Variants in SORBS2 observed in about 807,000 individuals in gnomAD.
The protein encoded by SORBS2 is sorbin and SH3 domain containing 2, also known as sorbin and SH3 domain-containing protein 2.
Under a neutral mutation model 97.7 loss-of-function variants are expected in SORBS2, and 46 were observed. The observed-to-expected ratio is 0.47, with a 90% CI of 0.37 to 0.60. The LOEUF (loss-of-function observed/expected upper bound fraction) is 0.60, where lower values mean the gene tolerates loss of function less well. SORBS2 is among the 20% of genes least tolerant of loss of function. SORBS2 has a pLI of 0.00. For synonymous variants in SORBS2, 476 were observed against 473.4 expected, an observed-to-expected ratio of 1.01 and a Z score of -0.07; for missense variants, 1,316 against 1,282.3, an observed-to-expected ratio of 1.03 and a Z score of -0.40.
At chr4:185,827,872 ATCG>A (rs2099202580) in intron 1 of SORBS2, among the ~76,000 whole-genome samples, 1 of 147,972 alleles carries the variant, frequency 6.8e-6, no homozygotes, top group African/African-American at 2.5e-5. Context: ...CATCATCATC[ATCG>A]TCACCATCAT....
At chr4:185,849,626 G>C (rs1401000623) in intron 1 of SORBS2, among the ~76,000 whole-genome samples, 1 of 152,064 alleles carries the variant, frequency 6.6e-6, no homozygotes, top group African/African-American at 2.4e-5. Flanking sequence ...AATCTTTGTG[G>C]CTTCACCCCT....
chr4:185,886,831 C>A (rs1335440418), intron 1 of SORBS2, among the ~76,000 whole-genome samples: 2 of 152,162 alleles, frequency 1.3e-5, no homozygotes, highest in Non-Finnish European at 2.9e-5. Context: ...GACAATATCA[C>A]CCTTTTCAAA....
chr4:185,796,132 C>T (rs962490021), intron 1 of SORBS2, among the ~76,000 whole-genome samples: 5 of 152,152 alleles, frequency 3.3e-5, no homozygotes, highest in Non-Finnish European at 7.4e-5. Flanking sequence ...TCTCAAACTA[C>T]TGGGCTCAAG....
Position 185,728,123 on chromosome 4 carries a change from CA to C in SORBS2, c.-198+47103del, listed in dbSNP as rs199980609. On this transcript the variant is annotated intron_variant, in intron 2 of 20. Coordinates refer to the SORBS2 transcript ENST00000284776. ...TGCTTTCTGAGTCTGCGGGTCTATC[CA>C]GCCTGCCCAAGAACTCGATTCAGCT... Among the ~76,000 whole-genome samples, 465 of 152,120 alleles carry C rather than the reference CA, an allele frequency of 3.1e-3. 6 individuals carry two copies. Among genetic ancestry groups the C allele is most frequent in the African/African-American group, 9.9e-3 (410 of 41,478 alleles).
At chr4:185,813,027 A>G (rs570891635) in intron 1 of SORBS2, 1 of 152,360 alleles carries the variant, frequency 6.6e-6, no homozygotes, top group East Asian at 1.9e-4. Flanking sequence ...CTCCTCTGGG[A>G]ATCTACCATG....
chr4:185,890,793 A>T (rs2099242092), intron 1 of SORBS2, among the ~76,000 whole-genome samples: 1 of 152,184 alleles, frequency 6.6e-6, no homozygotes, highest in Non-Finnish European at 1.5e-5. Flanking sequence ...CATGGGCCTG[A>T]ACGTAGGAGT....
intron 2 of SORBS2, among the ~76,000 whole-genome samples, chr4:185,694,702 C>CTTTTTTTTTTTTTT (rs1561959911): frequency 2.4e-5 from 2 of 84,590 alleles, no homozygotes; most frequent in Admixed American, 1.3e-4. Flanking sequence ...TTTTCCTTTT[C>CTTTTTTTTTTTTTT]TTTCTTTTCT....
intron 2 of SORBS2, among the ~76,000 whole-genome samples, chr4:185,700,777 T>A (rs2153531772): frequency 6.6e-6 from 1 of 152,280 alleles, no homozygotes; most frequent in Middle Eastern, 3.4e-3. Flanking sequence ...TGCCCTTTTG[T>A]TCAGCAAAAT....
chr4:185,735,622 A>C (rs1376770252), intron 2 of SORBS2, among the ~76,000 whole-genome samples: 1 of 151,968 alleles, frequency 6.6e-6, no homozygotes, highest in Non-Finnish European at 1.5e-5. Flanking sequence ...TTGAAAATGC[A>C]TCTGTTTTTA....
At chr4:185,755,473 T>C (rs1388426573) in intron 2 of SORBS2, among the ~76,000 whole-genome samples, 1 of 152,208 alleles carries the variant, frequency 6.6e-6, no homozygotes, top group Non-Finnish European at 1.5e-5. Flanking sequence ...CATACACAAA[T>C]GTGAGATGTT....
At chr4:185,793,025 G>A (rs1050995167) in intron 1 of SORBS2, among the ~76,000 whole-genome samples, 5 of 152,164 alleles carry the variant, frequency 3.3e-5, no homozygotes, top group African/African-American at 9.7e-5. Flanking sequence ...AAAGAATTTG[G>A]CACGCTGCCT....
intron 1 of SORBS2, among the ~76,000 whole-genome samples, chr4:185,859,982 C>A (rs752210332): frequency 1.3e-5 from 2 of 152,148 alleles, no homozygotes; most frequent in Admixed American, 6.5e-5. Context: ...TGCTCAAGAT[C>A]CTTCCATAAT....
intron 2 of SORBS2, among the ~76,000 whole-genome samples, chr4:185,759,744 GTT>G (rs2098857375): frequency 6.6e-6 from 1 of 152,130 alleles, no homozygotes; most frequent in African/African-American, 2.4e-5. Context: ...AAATGGTGAT[GTT>G]TTAGATAGAA....
chr4:185,598,191 T>C (rs2096162272), intron 12 of SORBS2, among the ~76,000 whole-genome samples: 1 of 152,230 alleles, frequency 6.6e-6, no homozygotes, highest in Non-Finnish European at 1.5e-5. Context: ...ACAAGAATTA[T>C]ATTATGCTTA....
chr4:185,854,723 T>C (rs975108073), intron 1 of SORBS2, among the ~76,000 whole-genome samples: 4 of 152,020 alleles, frequency 2.6e-5, no homozygotes, highest in African/African-American at 9.7e-5. Flanking sequence ...GCAATTCTTG[T>C]GGAGGCTACA....
chr4:185,600,364 A>C (rs2096232136), intron 12 of SORBS2, among the ~76,000 whole-genome samples: 1 of 152,180 alleles, frequency 6.6e-6, no homozygotes, highest in Non-Finnish European at 1.5e-5. Flanking sequence ...TTTGAGACGG[A>C]GTCTGGCTCT....
chr4:185,751,669 A>G (rs2098801232), intron 2 of SORBS2, among the ~76,000 whole-genome samples: 1 of 152,152 alleles, frequency 6.6e-6, no homozygotes, highest in Non-Finnish European at 1.5e-5. Context: ...ACACGTACAC[A>G]TGAACGAAAG....
intron 2 of SORBS2, among the ~76,000 whole-genome samples, chr4:185,747,015 G>A (rs568002574): frequency 8.5e-5 from 13 of 152,146 alleles, no homozygotes; most frequent in Non-Finnish European, 1.8e-4. Flanking sequence ...GAAGAGTGCC[G>A]GGCGCAGTGG....
intron 1 of SORBS2, among the ~76,000 whole-genome samples, chr4:185,817,055 T>C (rs2099193680): frequency 6.6e-6 from 1 of 152,172 alleles, no homozygotes; most frequent in Non-Finnish European, 1.5e-5. Context: ...TACTGGCTAA[T>C]AATAACAACA....
Sources: allele counts gnomAD v4.1 joint callset (sites outside exome capture counted in the v4.1 genomes callset), GRCh38; gene constraint gnomAD v4.1.1; transcripts MANE v1.5; gene names NCBI Gene and HGNC (gene_info 2026-07-23, HGNC 2026-07-21).